The following FNDC1 variants were observed in gnomAD, a reference collection of about 807,000 sequenced individuals.
The protein encoded by FNDC1 is fibronectin type III domain containing 1.
Under a neutral mutation model 168.0 loss-of-function variants are expected in FNDC1, and 96 were observed. The observed-to-expected ratio is 0.57, with a 90% CI of 0.48 to 0.68. The LOEUF is 0.68. Among genes scored for constraint, FNDC1 ranks in the 30% least tolerant of loss-of-function variants. FNDC1 has a pLI of 0.00. For missense variants in FNDC1, 2,587 were observed against 2,482.1 expected, an observed-to-expected ratio of 1.04 and a Z score of -0.90; for synonymous variants, 1,099 against 1,025.9, an observed-to-expected ratio of 1.07 and a Z score of -1.36.
chr6:159,191,118 A>G (rs1782129313), intron 1 of FNDC1, among the ~76,000 whole-genome samples: 1 of 152,186 alleles, frequency 6.6e-6, no homozygotes, highest in Non-Finnish European at 1.5e-5. Flanking sequence ...TCAAATAACC[A>G]TATCTTGTGA....
intron 15 of FNDC1, among the ~76,000 whole-genome samples, chr6:159,247,853 G>A (rs1260158758): frequency 6.6e-6 from 1 of 152,204 alleles, no homozygotes; most frequent in Non-Finnish European, 1.5e-5. Flanking sequence ...AGGACCTTGT[G>A]ATTGTTTTGT....
intron 1 of FNDC1, among the ~76,000 whole-genome samples, chr6:159,188,462 C>T (rs1782052297): frequency 6.6e-6 from 1 of 151,374 alleles, no homozygotes; most frequent in Admixed American, 6.6e-5. Context: ...GCAAGCTCCG[C>T]CTCCCGGGTT....
intron 1 of FNDC1, among the ~76,000 whole-genome samples, chr6:159,171,740 C>A (rs1340100973): frequency 6.6e-6 from 1 of 152,154 alleles, no homozygotes; most frequent in East Asian, 1.9e-4. Flanking sequence ...GATGGCCTTG[C>A]CAGTCTGGTA....
In FNDC1 at chr6:159,234,240, C is replaced by A. The variant is rs763318775; in HGVS notation, c.3728C>A (p.Pro1243His). Residue 1243 changes from proline (P) to histidine (H), a missense_variant, in exon 11 of 23, where the codon CCT becomes CAT. Physicochemically the swap from Pro to His is moderately conservative, Grantham distance 77. Coordinates refer to ENST00000297267, the MANE Select transcript of FNDC1 (RefSeq NM_032532.3). ...GGGAGCCTGGCTCCTGTGAAGCGAC[C>A]TCTCCCCCCACCTCCAGGCAGCTCC... ...RGGSLAPVKR[P>H]LPPPPGSSPR... 1 of 1,591,796 alleles carries A rather than the reference C, an allele frequency of 6.3e-7. No homozygotes were observed. The highest frequency in any genetic ancestry group is 1.3e-5 in the African/African-American group (1 of 74,346).
At chr6:159,192,260 A>C (rs1382853963) in intron 1 of FNDC1, among the ~76,000 whole-genome samples, 2 of 152,202 alleles carry the variant, frequency 1.3e-5, no homozygotes, top group African/African-American at 4.8e-5. Context: ...TACCTTGAGA[A>C]CTTAATGAAG....
rs771043540 is a variant in FNDC1 at position 159,223,579 on chromosome 6, C to A, written c.818C>A (p.Ser273Tyr). Residue 273 changes from serine to tyrosine, a missense_variant, in exon 7 of 23, where the codon TCT (serine) becomes TAT (tyrosine). Physicochemically the swap from Ser to Tyr is moderately radical, Grantham distance 144. Transcript: ENST00000297267. ...PDDISVRVMS[S>Y]QSVLVSWVDP... ...GACATCAGCGTCCGGGTTATGTCAT[C>A]TCAGTCTGTGCTTGTGTCCTGGGTG... 2.5e-6 allele frequency: 4 copies of A among 1,613,862 alleles called. No individual in the cohort carries two copies. Among genetic ancestry groups the A allele is most frequent in the Admixed American group, 3.3e-5 (2 of 60,004 alleles).
chr6:159,249,174 G>C lies in FNDC1; in HGVS notation c.4826G>C (p.Arg1609Pro). Residue 1609 changes from arginine to proline, a missense_variant, in exon 16 of 23, where the codon CGA becomes CCA. Arg to Pro is a moderately radical substitution (Grantham distance 103, BLOSUM62 -2). Coordinates refer to ENST00000297267, the MANE Select transcript of FNDC1 (RefSeq NM_032532.3). ...GAATTTGATCTGGCTGGAAGGAAACGATTTGTTGGTAAATATAATGTCCTT... is the reference window on the plus strand; with the variant it reads ...GAATTTGATCTGGCTGGAAGGAAACCATTTGTTGGTAAATATAATGTCCTT... ...EEEFDLAGRK[R>P]FVAPYVTYLN... The C allele has an allele frequency of 6.2e-7, 1 of 1,609,316 alleles. No individual in the cohort carries two copies. The highest frequency in any genetic ancestry group is 8.5e-7 in the Non-Finnish European group (1 of 1,178,286).
intron 9 of FNDC1, 142 bp downstream of exon 9, chr6:159,226,722 G>A: frequency 1.7e-6 from 1 of 585,302 alleles, no homozygotes; most frequent in Non-Finnish European, 2.8e-6. Context: ...GATATTTCAT[G>A]CAAGATTTTC....
At chr6:159,212,746 CT>C (rs1416624135) in intron 4 of FNDC1, among the ~76,000 whole-genome samples, 1 of 152,220 alleles carries the variant, frequency 6.6e-6, no homozygotes, top group East Asian at 1.9e-4. Flanking sequence ...GTAATGCCTA[CT>C]GGGCAAAGCA....
intron 9 of FNDC1, among the ~76,000 whole-genome samples, chr6:159,228,644 G>A (rs1318438718): frequency 6.6e-6 from 1 of 151,838 alleles, no homozygotes; most frequent in African/African-American, 2.4e-5. Context: ...TGTGATTAAA[G>A]TTATTTTTCT....
At chr6:159,271,301 T>A (rs373838252) in intron 22 of FNDC1, 26 bp from the exon 23 acceptor site, 18 of 1,548,050 alleles carry the variant, frequency 1.2e-5, no homozygotes, top group Non-Finnish European at 1.5e-5. Flanking sequence ...CTCTGACGCT[T>A]TTCCCCTCTC....
chr6:159,171,521 C>A (rs568149361), intron 1 of FNDC1, among the ~76,000 whole-genome samples: 1 of 152,310 alleles, frequency 6.6e-6, no homozygotes, highest in South Asian at 2.1e-4. Flanking sequence ...CTTCACCACC[C>A]TTTTGGGGCC....
intron 1 of FNDC1, among the ~76,000 whole-genome samples, chr6:159,195,663 A>C (rs1300502856): frequency 6.6e-6 from 1 of 152,214 alleles, no homozygotes; most frequent in Non-Finnish European, 1.5e-5. Context: ...AAGGTATCGC[A>C]GAGAAGAACA....
intron 20 of FNDC1, among the ~76,000 whole-genome samples, chr6:159,265,264 T>G (rs980246844): frequency 2.0e-5 from 3 of 152,224 alleles, no homozygotes; most frequent in Non-Finnish European, 4.4e-5. Flanking sequence ...AAACAGATAC[T>G]TTATTTTCAT....
chr6:159,239,675 C>T lies in FNDC1; in HGVS notation c.4339C>T (p.Pro1447Ser), dbSNP rs1783361940. Residue 1447 changes from proline to serine, a missense_variant, in exon 14 of 23, where the codon CCT becomes TCT. Pro to Ser is a moderately conservative substitution (Grantham distance 74). Transcript: ENST00000297267. ...LEVIKKTTHP[P>S]TTTMQPTTTT... ...GGTCATCAAAAAAACCACCCATCCC[C>T]CTACCACTACCATGCAGCCCACCAC... The T allele has an allele frequency of 6.4e-7, 1 of 1,551,384 alleles. No individual in the cohort carries two copies. Among genetic ancestry groups the T allele is most frequent in the Admixed American group, 2.0e-5 (1 of 50,974 alleles).
intron 5 of FNDC1, among the ~76,000 whole-genome samples, chr6:159,221,039 T>C (rs577660977): frequency 6.6e-6 from 1 of 152,342 alleles, no homozygotes; most frequent in African/African-American, 2.4e-5. Context: ...ATTTAAAGTC[T>C]TCCATGTGCT....
rs777674148 is a variant in FNDC1 at position 159,197,572 on chromosome 6, T to G, written c.251T>G (p.Leu84Arg). The change falls in exon 2 of 23, where the codon CTT becomes CGT. Residue 84 changes from leucine to arginine, a missense_variant. By Grantham distance (102) the Leu-to-Arg change is moderately radical. Transcript: ENST00000297267. ...NIAYGKSLKS[L>R]KYIKVNAETY... ...GCCTATGGGAAGTCACTGAAAAGTC[T>G]TAAATACATCAAGGTGAATGCGGAG... 6.2e-7 allele frequency: 1 copy of G among 1,613,798 alleles called. No individual in the cohort carries two copies. Among genetic ancestry groups the G allele is most frequent in the Non-Finnish European group, 8.5e-7 (1 of 1,179,886 alleles).
intron 6 of FNDC1, among the ~76,000 whole-genome samples, chr6:159,222,984 A>ATTTTTTT (rs201310702): frequency 1.7e-5 from 2 of 116,774 alleles, no homozygotes; most frequent in African/African-American, 2.7e-5. Flanking sequence ...TGAAATACTC[A>ATTTTTTT]TTTTTTTTTT....
At position 159,236,331 on chromosome 6, in the gene FNDC1, T is replaced by G; in HGVS notation, c.4068+16T>G. ...AACAAAGTGGGTAGGGTAAACTTCT[T>G]TACACATCCCCGTTGTTTTCATGCT... is the stretch of plus-strand genomic sequence containing the variant. On this transcript the variant is annotated intron_variant, in intron 12 of 22. Coordinates refer to ENST00000297267, the MANE Select transcript of FNDC1 (RefSeq NM_032532.3). 6.5e-7 allele frequency: 1 copy of G among 1,546,274 alleles called. No individual in the cohort carries two copies. The highest frequency in any genetic ancestry group is 8.9e-7 in the Non-Finnish European group (1 of 1,119,326).
Sources: gnomAD v4.1 joint callset for allele counts (sites outside exome capture counted in the v4.1 genomes callset) on GRCh38, gnomAD v4.1.1 for gene constraint, MANE v1.5 for transcripts, NCBI Gene and HGNC (gene_info 2026-07-23, HGNC 2026-07-21) for gene names.